CD96: variants seen among roughly 807,000 people sequenced by gnomAD.
CD96 encodes the protein T-cell surface protein tactile.
Under a neutral mutation model 71.3 loss-of-function variants are expected in CD96, and 70 were observed. The observed-to-expected ratio is 0.98, with a 90% CI of 0.81 to 1.20. The LOEUF (loss-of-function observed/expected upper bound fraction) is 1.20, where lower values mean the gene tolerates loss of function less well. CD96 is among the 50% of genes most tolerant of loss of function. CD96 has a pLI of 0.00. For synonymous variants in CD96, 248 were observed against 233.0 expected (o/e 1.06, Z -0.59); for missense variants, 742 against 677.5 (o/e 1.10, Z -1.06).
chr3:111,582,129 C>T (rs980330897), intron 4 of CD96, among the ~76,000 whole-genome samples: 17 of 152,140 alleles, frequency 1.1e-4, no homozygotes, highest in Middle Eastern at 3.2e-3. Flanking sequence ...TACTTGTGGA[C>T]TAAGTATACT....
chr3:111,591,457 A>T (rs544737003), intron 5 of CD96, among the ~76,000 whole-genome samples: 1 of 151,698 alleles, frequency 6.6e-6, no homozygotes, highest in East Asian at 1.9e-4. Context: ...CTTTGTGCAG[A>T]ATTTGATTAT....
chr3:111,554,753 T>C (rs12633539), intron 2 of CD96, among the ~76,000 whole-genome samples: 59,168 of 151,880 alleles, frequency 0.39, 13,650 homozygotes, highest in Middle Eastern at 0.53. Flanking sequence ...GATTCAAGCC[T>C]ATTACATTTA....
intron 7 of CD96, among the ~76,000 whole-genome samples, chr3:111,601,139 T>C (rs1937479585): frequency 6.6e-6 from 1 of 152,240 alleles, no homozygotes; most frequent in South Asian, 2.1e-4. Flanking sequence ...TTCACAAGAA[T>C]TTCTGCTGCA....
downstream of CD96, among the ~76,000 whole-genome samples, chr3:111,655,894 G>A (rs1024848169): frequency 6.6e-6 from 1 of 150,710 alleles, no homozygotes; most frequent in Admixed American, 6.6e-5. Flanking sequence ...ACTATATATA[G>A]TTTTATATAT....
At chr3:111,553,123 T>A (rs1173358775) in intron 2 of CD96, among the ~76,000 whole-genome samples, 5 of 150,076 alleles carry the variant, frequency 3.3e-5, no homozygotes, top group African/African-American at 7.3e-5. Flanking sequence ...TAAAAAAAAA[T>A]TAGTATTTAA....
In CD96 at chr3:111,647,542, G is replaced by A; in HGVS notation, c.1478-1G>A. The A allele has an allele frequency of 1.2e-6, 2 of 1,612,074 alleles. No homozygotes were observed. The highest frequency in any genetic ancestry group is 1.1e-5 in the South Asian group (1 of 91,040). On this transcript the variant is annotated splice_acceptor_variant, in intron 12 of 13. Coordinates refer to ENST00000352690, the MANE Select transcript of CD96 (RefSeq NM_005816.5). LOFTEE classifies it high-confidence loss of function. Reference sequence around the variant, plus strand: ...TTCATCTTTCTTTATGCCCTTTTCAGGTATTGTGGTCAATAAGCCCAAAGA... The same window carrying A: ...TTCATCTTTCTTTATGCCCTTTTCAAGTATTGTGGTCAATAAGCCCAAAGA...
At chr3:111,547,488 T>C (rs777328227) in intron 2 of CD96, among the ~76,000 whole-genome samples, 1 of 152,164 alleles carries the variant, frequency 6.6e-6, no homozygotes, top group Non-Finnish European at 1.5e-5. Context: ...GTTTCCTTCA[T>C]TGAGACTTGG....
intron 12 of CD96, among the ~76,000 whole-genome samples, 180 bp downstream of exon 12, chr3:111,638,348 A>G (rs563885322): frequency 2.6e-5 from 4 of 152,358 alleles, no homozygotes; most frequent in Admixed American, 2.0e-4. Flanking sequence ...AATAATCACA[A>G]CTAAATTTAT....
At chr3:111,663,968 T>G (rs889772618) in intron 14 of CD96, among the ~76,000 whole-genome samples, 1 of 152,160 alleles carries the variant, frequency 6.6e-6, no homozygotes, top group African/African-American at 2.4e-5. Flanking sequence ...GCCAGGATGC[T>G]CTCGATCTCC....
intron 3 of CD96, among the ~76,000 whole-genome samples, chr3:111,575,469 G>A (rs933761136): frequency 3.3e-5 from 5 of 152,240 alleles, no homozygotes; most frequent in Admixed American, 2.6e-4. Context: ...TTAAGGAACA[G>A]TATTTTCCAA....
intron 5 of CD96, chr3:111,593,497 C>G (rs549953191): frequency 6.7e-7 from 1 of 1,500,796 alleles, no homozygotes; most frequent in Admixed American, 2.3e-5. Flanking sequence ...TGGCTCTTTT[C>G]TACAAGTCTA....
intron 7 of CD96, 53 bp downstream of exon 7, chr3:111,600,967 T>C: frequency 8.8e-7 from 1 of 1,134,048 alleles, no homozygotes; most frequent in Non-Finnish European, 1.3e-6. Context: ...CTGCCATAAA[T>C]TCAAAATATC....
At chr3:111,577,903 C>G (rs1209331406) in intron 3 of CD96, among the ~76,000 whole-genome samples, 1 of 152,140 alleles carries the variant, frequency 6.6e-6, no homozygotes, top group Non-Finnish European at 1.5e-5. Flanking sequence ...CATTTTACTT[C>G]CCTCCATTTC....
At chr3:111,553,434 CTT>C (rs34837219) in intron 2 of CD96, among the ~76,000 whole-genome samples, 476 of 115,142 alleles carry the variant, frequency 4.1e-3, no homozygotes, top group African/African-American at 0.013. Flanking sequence ...TTTCTTTTTT[CTT>C]TTTTTTTTTT....
intron 5 of CD96, among the ~76,000 whole-genome samples, chr3:111,586,823 G>C (rs1333109312): frequency 1.3e-5 from 2 of 152,018 alleles, no homozygotes; most frequent in African/African-American, 4.8e-5. Flanking sequence ...ATTAGATTTG[G>C]GTGGTGACAC....
chr3:111,618,648 G>A (rs1221065520), intron 8 of CD96, among the ~76,000 whole-genome samples: 4 of 144,024 alleles, frequency 2.8e-5, no homozygotes, highest in Non-Finnish European at 6.0e-5. Flanking sequence ...ACAGTGGCAC[G>A]ATCTCAGCTC....
At chr3:111,633,978 G>T (rs1939201768) in intron 10 of CD96, 1 of 152,762 alleles carries the variant, frequency 6.5e-6, no homozygotes, top group South Asian at 2.1e-4. Flanking sequence ...TAAAAATGAT[G>T]CAAGAATTCC....
At chr3:111,597,130 T>C (rs1012353522) in intron 5 of CD96, among the ~76,000 whole-genome samples, 18 of 152,238 alleles carry the variant, frequency 1.2e-4, no homozygotes, top group Admixed American at 4.6e-4. Flanking sequence ...TTAACTAGTA[T>C]ATTCATTAAT....
At chr3:111,635,014 A>G (rs1011419186) in intron 10 of CD96, 14 of 153,284 alleles carry the variant, frequency 9.1e-5, no homozygotes, top group African/African-American at 3.4e-4. Flanking sequence ...TAAATGATAG[A>G]GTGGATAAGC....
Sources: gnomAD v4.1 joint callset for allele counts (sites outside exome capture counted in the v4.1 genomes callset) on GRCh38, gnomAD v4.1.1 for gene constraint, MANE v1.5 for transcripts, NCBI Gene and HGNC (gene_info 2026-07-23, HGNC 2026-07-21) for gene names.